The following NBPF3 variants were observed in gnomAD, a reference collection of about 807,000 sequenced individuals.
The protein encoded by NBPF3 is NBPF member 3.
In NBPF3, 57 loss-of-function variants were observed where a neutral mutation model predicts 78.1. That is an observed-to-expected ratio of 0.73 (90% CI 0.59 to 0.91). NBPF3 has a LOEUF of 0.91. Ranked by LOEUF, NBPF3 falls within the 40% of genes least tolerant of loss-of-function variation. NBPF3 has a pLI of 0.00. For synonymous variants in NBPF3, 182 were observed against 271.7 expected, an observed-to-expected ratio of 0.67 and a Z score of 3.25; for missense variants, 510 against 715.3, an observed-to-expected ratio of 0.71 and a Z score of 3.27.
chr1:21,478,280 C>T lies in NBPF3; in HGVS notation c.1129C>T (p.Gln377Ter). The change falls in exon 9 of 15, where the codon CAA becomes TAA. Residue 377 changes from glutamine to a stop codon, truncating the protein, a stop_gained. Transcript: ENST00000318249. LOFTEE classifies it high-confidence loss of function. ...RSTFHSVEEQ[Q>*]VGLALDIGRH... ...CACCTTTCACTCAGTAGAGGAACAGCAAGTCGGCTTGGCTCTTGACATAGG... is the reference window on the plus strand; with the variant it reads ...CACCTTTCACTCAGTAGAGGAACAGTAAGTCGGCTTGGCTCTTGACATAGG... The T allele has an allele frequency of 6.2e-7, 1 of 1,614,102 alleles. No homozygotes were observed. The highest frequency in any genetic ancestry group is 8.5e-7 in the Non-Finnish European group (1 of 1,180,042).
At chr1:21,481,481 A>G in intron 12 of NBPF3, 116 bp from the exon 13 acceptor site, 1 of 1,286,434 alleles carries the variant, frequency 7.8e-7, no homozygotes, top group Non-Finnish European at 1.1e-6. Flanking sequence ...TACCTCATTA[A>G]TGGATGTATC....
At chr1:21,437,962 C>T (rs186923064), upstream of NBPF3, among the ~76,000 whole-genome samples, 2 of 152,150 alleles carry the variant, frequency 1.3e-5, no homozygotes, top group Admixed American at 1.3e-4. Context: ...GCTGGGATTA[C>T]AGGCATGCAC....
At position 21,473,485 on chromosome 1, in the gene NBPF3, C is replaced by A; in HGVS notation, c.840C>A (p.Tyr280Ter). The A allele has an allele frequency of 6.2e-7, 1 of 1,614,184 alleles. No homozygotes were observed. Among genetic ancestry groups the A allele is most frequent in the Non-Finnish European group, 8.5e-7 (1 of 1,180,024 alleles). Residue 280 changes from tyrosine (Y) to a stop codon, truncating the protein, a stop_gained, in exon 7 of 15, where the codon TAC (tyrosine) becomes TAA (stop). Coordinates refer to ENST00000318249, the MANE Select transcript of NBPF3 (RefSeq NM_032264.6). LOFTEE classifies it high-confidence loss of function. ...SHHPCESNQP[Y>*]GNTRITFEED... The stretch of plus-strand genomic sequence containing the variant: ...ACCCTTGTGAGTCCAACCAGCCTTA[C>A]GGGAACACCAGAATCACATTTGAGG...
At chr1:21,471,844 C>G in intron 5 of NBPF3, 61 bp downstream of exon 5, 1 of 1,583,624 alleles carries the variant, frequency 6.3e-7, no homozygotes, top group Non-Finnish European at 8.7e-7. Flanking sequence ...CTTCAGACCT[C>G]CATACTTTCA....
At chr1:21,448,573 G>A (rs1266147635) in intron 2 of NBPF3, among the ~76,000 whole-genome samples, 3 of 152,138 alleles carry the variant, frequency 2.0e-5, no homozygotes, top group African/African-American at 7.2e-5. Flanking sequence ...AGTGCCAGAC[G>A]TCAGGGGGGT....
chr1:21,457,442 TAAG>T (rs574159965), intron 2 of NBPF3, among the ~76,000 whole-genome samples: 46 of 151,602 alleles, frequency 3.0e-4, no homozygotes, highest in African/African-American at 9.7e-4. Context: ...ATATGTCTAA[TAAG>T]AAACAACACA....
rs968239398 is a variant in NBPF3, at chr1:21,445,114, T to G, written c.28T>G (p.Phe10Val). The change falls in exon 2 of 15, where the codon TTC becomes GTC. Residue 10 changes from phenylalanine to valine, a missense_variant. Phe to Val is a conservative substitution (Grantham distance 50). Around this residue, in one of 5 missense-constraint regions of NBPF3, gnomAD observed 440 missense variants for 478.2 expected, o/e 0.92. Coordinates refer to ENST00000318249, the MANE Select transcript of NBPF3 (RefSeq NM_032264.6). ...GCCACTGACTCCCACTGTCCAGGGC[T>G]TCCAGTGGACTCTCCGAGGCCCTGA... is the stretch of plus-strand genomic sequence containing the variant. MPLTPTVQGFQWTLRGPDVE... is the reference protein window; with the variant it reads MPLTPTVQGVQWTLRGPDVE... 2 of 1,611,792 alleles carry G rather than the reference T, an allele frequency of 1.2e-6. No homozygotes were observed. The highest frequency in any genetic ancestry group is 2.7e-5 in the African/African-American group (2 of 74,844).
intron 10 of NBPF3, 86 bp downstream of exon 10, chr1:21,479,486 A>G (rs1570099793): frequency 1.8e-6 from 2 of 1,118,058 alleles, no homozygotes; most frequent in East Asian, 4.8e-5. Flanking sequence ...GCTGAAAATG[A>G]TGATTTCATC....
chr1:21,441,729 AT>A, intron 1 of NBPF3, among the ~76,000 whole-genome samples: 2 of 141,264 alleles, frequency 1.4e-5, no homozygotes, highest in Non-Finnish European at 3.3e-5. Context: ...AAAAAAAGTA[AT>A]GAATTTTGAC....
rs750253634 is a variant in NBPF3, at chr1:21,472,879, A to G, written c.698A>G (p.Glu233Gly). The change falls in exon 6 of 15, where the codon GAG becomes GGG. Residue 233 changes from glutamate to glycine, a missense_variant. Glu to Gly is a moderately conservative substitution (Grantham distance 98). Coordinates refer to ENST00000318249, the MANE Select transcript of NBPF3 (RefSeq NM_032264.6). ...GATGAGGATGAAGATGTTAAAGTTGAGGAGGCTGAGAAAGTACAGGAATTA... is the reference window on the plus strand; with the variant it reads ...GATGAGGATGAAGATGTTAAAGTTGGGGAGGCTGAGAAAGTACAGGAATTA... ...DDDEDEDVKVEEAEKVQELYA... is the reference protein window; with the variant it reads ...DDDEDEDVKVGEAEKVQELYA... 9 of 1,613,056 alleles carry G rather than the reference A, an allele frequency of 5.6e-6. No individual in the cohort carries two copies. The South Asian group carries it at 9.9e-5, about 18-fold the overall frequency.
In NBPF3 at chr1:21,478,178, C is replaced by T; in HGVS notation, c.1027C>T (p.Gln343Ter). The T allele has an allele frequency of 6.2e-7, 1 of 1,614,154 alleles. No individual in the cohort carries two copies. Among genetic ancestry groups the T allele is most frequent in the Non-Finnish European group, 8.5e-7 (1 of 1,180,032 alleles). The change falls in exon 9 of 15, where the codon CAG becomes TAG. Residue 343 changes from glutamine (Q) to a stop codon, truncating the protein, a stop_gained. Transcript: ENST00000318249. LOFTEE classifies it high-confidence loss of function. ...GGAGTCTGAAGAGGAGGAAGCCCCC[C>T]AGGAGTCCTGGGATGAAGGTGATTG... Reference protein sequence around the residue: ...LQESEEEEAPQESWDEGDWTL... With the variant: ...LQESEEEEAP
At chr1:21,455,850 T>C (rs1218381165) in intron 2 of NBPF3, among the ~76,000 whole-genome samples, 3 of 152,194 alleles carry the variant, frequency 2.0e-5, no homozygotes, top group Non-Finnish European at 4.4e-5. Flanking sequence ...AAATTGAGTT[T>C]GGACCAGAGG....
chr1:21,484,260 A>G lies in NBPF3; in HGVS notation c.*874A>G. The G allele has an allele frequency of 6.9e-6, 1 of 144,652 alleles. No homozygotes were observed. The highest frequency in any genetic ancestry group is 2.6e-5 in the African/African-American group (1 of 39,068). 9.0% of individuals were successfully genotyped at this position (144,652 alleles called of 1,614,324 possible). On this transcript the variant is annotated 3_prime_UTR_variant, in exon 15 of 15. Transcript: ENST00000318249. ...CGAATCACACAACAAAAAGGAGGAG[A>G]GATATTTTGGGTTCAGAAGAAGTAA...
At chr1:21,452,454 T>A (rs1641364776) in intron 2 of NBPF3, among the ~76,000 whole-genome samples, 1 of 152,206 alleles carries the variant, frequency 6.6e-6, no homozygotes, top group South Asian at 2.1e-4. Flanking sequence ...AGAGGAACAT[T>A]TGGAGGTAAT....
intron 2 of NBPF3, among the ~76,000 whole-genome samples, chr1:21,463,071 T>A (rs547434502): frequency 1.3e-5 from 2 of 152,250 alleles, no homozygotes; most frequent in Middle Eastern, 3.4e-3. Context: ...GTAAAAATAA[T>A]TAGAGAGGAC....
intron 2 of NBPF3, chr1:21,467,444 T>G: frequency 2.7e-6 from 2 of 748,018 alleles, no homozygotes; most frequent in Non-Finnish European, 3.3e-6. Flanking sequence ...TCCTACTCAT[T>G]CCTCTCATCT....
At chr1:21,439,006 C>T (rs374481847), upstream of NBPF3, among the ~76,000 whole-genome samples, 36 of 152,280 alleles carry the variant, frequency 2.4e-4, 1 homozygote, top group African/African-American at 7.7e-4. Context: ...CCCATGGTGT[C>T]GCCCACCTTG....
At chr1:21,444,006 AT>A (rs1457400379) in intron 1 of NBPF3, among the ~76,000 whole-genome samples, 1 of 152,184 alleles carries the variant, frequency 6.6e-6, no homozygotes, top group Non-Finnish European at 1.5e-5. Context: ...CATTGTTGTT[AT>A]TATGATGATT....
At chr1:21,457,565 A>G (rs776154585) in intron 2 of NBPF3, among the ~76,000 whole-genome samples, 20 of 152,178 alleles carry the variant, frequency 1.3e-4, no homozygotes, top group African/African-American at 3.9e-4. Flanking sequence ...AGGGAGATCA[A>G]TGAATACAAC....
Sources: allele counts gnomAD v4.1 joint callset (sites outside exome capture counted in the v4.1 genomes callset), GRCh38; gene constraint gnomAD v4.1.1; regional missense constraint gnomAD v4.1.1; transcripts MANE v1.5; gene names NCBI Gene and HGNC (gene_info 2026-07-23, HGNC 2026-07-21).